Variants in CNTNAP5 observed in about 807,000 individuals in gnomAD.
CNTNAP5 encodes the protein contactin-associated protein-like 5.
CNTNAP5 carries 72 observed loss-of-function variants against 150.2 expected under a neutral mutation model. The ratio of observed to expected loss-of-function variants is 0.48; its 90% CI spans 0.40 to 0.58. The LOEUF (loss-of-function observed/expected upper bound fraction) is 0.58. CNTNAP5 is among the 20% of genes least tolerant of loss of function. The pLI is 0.00. For missense variants in CNTNAP5, 1,636 were observed against 1,626.2 expected (o/e 1.01, Z -0.10); for synonymous variants, 672 against 619.8 (o/e 1.08, Z -1.25).
chr2:124,450,127 C>A (rs1052169428), intron 6 of CNTNAP5, among the ~76,000 whole-genome samples: 16 of 152,018 alleles, frequency 1.1e-4, no homozygotes, highest in African/African-American at 3.6e-4. Flanking sequence ...TCCATATGTG[C>A]ACAAATGAGG....
At chr2:124,840,668 C>T (rs918981619) in intron 19 of CNTNAP5, among the ~76,000 whole-genome samples, 3 of 152,088 alleles carry the variant, frequency 2.0e-5, no homozygotes, top group African/African-American at 7.2e-5. Context: ...AAACAGGATT[C>T]TCTGCTTATG....
chr2:124,813,898 C>G lies in CNTNAP5; in HGVS notation c.3217+15578C>G, dbSNP rs116850686. Among the ~76,000 whole-genome samples the G allele has an allele frequency of 3.9e-3, 589 of 151,936 alleles. 16 individuals are homozygous for G. In the East Asian group the frequency reaches 0.061, roughly 16 times the overall value. ...CTTTGGCTATCTTTGTTCTGGCCAC[C>G]CTAATCTTGGAATTAGATTACTGCC... On this transcript the variant is annotated intron_variant, in intron 19 of 23. Coordinates refer to ENST00000682447, the MANE Select transcript of CNTNAP5 (RefSeq NM_001367498.1).
chr2:124,889,558 GAGCTCTTTTCTA>G (rs1678151994), intron 21 of CNTNAP5, among the ~76,000 whole-genome samples: 2 of 152,154 alleles, frequency 1.3e-5, no homozygotes, highest in Admixed American at 6.5e-5. Flanking sequence ...TTTTCCTAGA[GAGCTCTTTTCTA>G]AGCTCTTTTC....
At chr2:124,620,787 A>C (rs1677597949) in intron 12 of CNTNAP5, among the ~76,000 whole-genome samples, 1 of 151,330 alleles carries the variant, frequency 6.6e-6, no homozygotes, top group Non-Finnish European at 1.5e-5. Context: ...ATATATGCAA[A>C]CTTTCTAGCC....
intron 6 of CNTNAP5, among the ~76,000 whole-genome samples, chr2:124,461,971 AAAAAT>A (rs1473571394): frequency 1.3e-5 from 2 of 152,124 alleles, no homozygotes; most frequent in African/African-American, 2.4e-5. Flanking sequence ...CACTAAGAAA[AAAAAT>A]AAAATAAAAA....
intron 3 of CNTNAP5, among the ~76,000 whole-genome samples, chr2:124,296,295 T>C (rs1234794235): frequency 6.6e-6 from 1 of 152,266 alleles, no homozygotes; most frequent in Admixed American, 6.5e-5. Flanking sequence ...TCTTGTAGCA[T>C]GCTGCTTAGA....
chr2:124,338,890 C>T (rs936553862), intron 3 of CNTNAP5, among the ~76,000 whole-genome samples: 2 of 152,076 alleles, frequency 1.3e-5, no homozygotes, highest in African/African-American at 4.8e-5. Flanking sequence ...TGAAAATAAA[C>T]ATTCAGGTAT....
chr2:124,213,762 C>CA lies in CNTNAP5; in HGVS notation c.83-7934dup, dbSNP rs541969376. 5.8e-3 allele frequency among the ~76,000 whole-genome samples: 878 copies of CA among 151,106 alleles called. 11 individuals carry two copies. Among genetic ancestry groups the CA allele is most frequent in the Middle Eastern group, 0.014 (4 of 294 alleles). ...TTCTAACCTGAGAATCAAAACATAA[C>CA]AAAAAAAAATCAGTGGCAACATCAA... On this transcript the variant is annotated intron_variant, in intron 1 of 23. Coordinates refer to ENST00000682447, the MANE Select transcript of CNTNAP5 (RefSeq NM_001367498.1).
intron 1 of CNTNAP5, among the ~76,000 whole-genome samples, chr2:124,185,999 G>A (rs920515705): frequency 5.3e-5 from 8 of 152,176 alleles, no homozygotes; most frequent in South Asian, 2.1e-4. Context: ...TGCAAAGTAC[G>A]TTTACTATGT....
At chr2:124,582,407 A>G (rs1468407462) in intron 11 of CNTNAP5, among the ~76,000 whole-genome samples, 1 of 152,236 alleles carries the variant, frequency 6.6e-6, no homozygotes, top group Non-Finnish European at 1.5e-5. Flanking sequence ...GATTGAACTC[A>G]AGATTTCTGA....
chr2:124,225,904 A>T (rs574110473), intron 2 of CNTNAP5, among the ~76,000 whole-genome samples: 4 of 152,190 alleles, frequency 2.6e-5, no homozygotes, highest in Non-Finnish European at 5.9e-5. Flanking sequence ...TATTTCACTT[A>T]GTACAATGCC....
At chr2:124,481,754 A>G (rs1693765932) in intron 7 of CNTNAP5, among the ~76,000 whole-genome samples, 2 of 152,340 alleles carry the variant, frequency 1.3e-5, no homozygotes, top group East Asian at 1.9e-4. Flanking sequence ...TCAATTTACC[A>G]TAGTTCATTT....
intron 13 of CNTNAP5, among the ~76,000 whole-genome samples, chr2:124,724,464 A>G (rs1680114920): frequency 6.6e-6 from 1 of 152,146 alleles, no homozygotes; most frequent in Non-Finnish European, 1.5e-5. Context: ...AAGTCAGCCC[A>G]TAGAAGATAC....
chr2:124,588,075 CCTTTCT>C (rs1197770114), intron 11 of CNTNAP5, among the ~76,000 whole-genome samples: 7 of 144,064 alleles, frequency 4.9e-5, no homozygotes, highest in African/African-American at 1.8e-4. Flanking sequence ...CTTTCCCTTC[CCTTTCT>C]CTTTCTTTCT....
intron 3 of CNTNAP5, among the ~76,000 whole-genome samples, chr2:124,408,305 G>A (rs1034066227): frequency 1.5e-4 from 23 of 152,158 alleles, no homozygotes; most frequent in Non-Finnish European, 2.9e-4. Flanking sequence ...CGAGGCTGGG[G>A]GAGGGGCGCC....
rs368704738 is a variant in CNTNAP5 at position 124,706,940 on chromosome 2, AAGGAGG to A, written c.2078-40268_2078-40263del. 5.7e-3 allele frequency among the ~76,000 whole-genome samples: 104 copies of A among 18,202 alleles called. 2 individuals are homozygous for A. Among genetic ancestry groups the A allele is most frequent in the African/African-American group, 0.012 (73 of 6,204 alleles). The allele number at this position is 18,202 out of a possible 152,430, so 11.9% of individuals were successfully genotyped here. The stretch of plus-strand genomic sequence containing the variant: ...GGAGAAGAAGAAGAAGAAGAAGAAG[AAGGAGG>A]AGGAGGAGGAGGAGGAGGAGAAGAG... On this transcript the variant is annotated intron_variant, in intron 13 of 23. Transcript: ENST00000682447.
chr2:124,427,840 C>T (rs970178520), intron 4 of CNTNAP5, among the ~76,000 whole-genome samples: 3 of 152,136 alleles, frequency 2.0e-5, no homozygotes, highest in Non-Finnish European at 2.9e-5. Flanking sequence ...CCCCACTGCC[C>T]TTGGCACCCT....
intron 22 of CNTNAP5, among the ~76,000 whole-genome samples, chr2:124,908,587 G>A (rs539237728): frequency 1.7e-4 from 26 of 152,118 alleles, no homozygotes; most frequent in Admixed American, 8.5e-4. Flanking sequence ...CTAGTACAAC[G>A]CCTTATCCAC....
chr2:124,455,820 A>G (rs1194753694), intron 6 of CNTNAP5, among the ~76,000 whole-genome samples: 1 of 152,168 alleles, frequency 6.6e-6, no homozygotes, highest in African/African-American at 2.4e-5. Context: ...AAACCACATG[A>G]TCCTCTCAAA....
Sources: gnomAD v4.1 joint callset for allele counts (sites outside exome capture counted in the v4.1 genomes callset) on GRCh38, gnomAD v4.1.1 for gene constraint, MANE v1.5 for transcripts, NCBI Gene and HGNC (gene_info 2026-07-23, HGNC 2026-07-21) for gene names.